PIGB: variants seen among roughly 807,000 people sequenced by gnomAD.
The protein encoded by PIGB is phosphatidylinositol glycan anchor biosynthesis class B, also known as GPI alpha-1,2-mannosyltransferase 3.
PIGB carries 58 observed loss-of-function variants against 68.4 expected under a neutral mutation model. The ratio of observed to expected loss-of-function variants is 0.85; its 90% CI spans 0.69 to 1.06. The LOEUF (loss-of-function observed/expected upper bound fraction) is 1.06. Among genes scored for constraint, PIGB ranks in the 50% least tolerant of loss-of-function variants. The probability of loss-of-function intolerance (pLI) is 0.00; values close to 1 mark genes in which losing one functional copy is unlikely to be tolerated. For missense variants in PIGB, 634 were observed against 655.8 expected (o/e 0.97, Z 0.36); for synonymous variants, 219 against 220.5 (o/e 0.99, Z 0.06).
Position 55,340,708 on chromosome 15 carries a change from G to A in PIGB, c.943G>A (p.Gly315Arg). Reference protein sequence around the residue: ...SHPWHWYFSQGFPVILGTHLP... With the variant: ...SHPWHWYFSQRFPVILGTHLP... The stretch of plus-strand genomic sequence containing the variant: ...TCCATGGCACTGGTACTTCAGTCAA[G>A]GATTTCCAGTTATCTTGGGTACTCA... The change falls in exon 8 of 12, where the codon GGA (glycine) becomes AGA (arginine). Residue 315 changes from glycine (G) to arginine (R), a missense_variant. Transcript: ENST00000164305. 1 of 1,612,214 alleles carries A rather than the reference G, an allele frequency of 6.2e-7. No homozygotes were observed. Among genetic ancestry groups the A allele is most frequent in the Non-Finnish European group, 8.5e-7 (1 of 1,178,938 alleles).
At chr15:55,344,676 T>C (rs921024927) in intron 9 of PIGB, among the ~76,000 whole-genome samples, 7 of 152,208 alleles carry the variant, frequency 4.6e-5, no homozygotes, top group Admixed American at 4.6e-4. Context: ...CTTTAGTGAA[T>C]TGTTCAACAA....
chr15:55,322,785 AAC>A (rs2055196565), intron 3 of PIGB, among the ~76,000 whole-genome samples: 1 of 152,180 alleles, frequency 6.6e-6, no homozygotes, highest in South Asian at 2.1e-4. Flanking sequence ...TTCTTCCATT[AAC>A]AACAGGCAGA....
At chr15:55,337,968 C>A (rs1325900576) in intron 6 of PIGB, among the ~76,000 whole-genome samples, 1 of 152,108 alleles carries the variant, frequency 6.6e-6, no homozygotes, top group Non-Finnish European at 1.5e-5. Context: ...TAAAACTCAT[C>A]TATGTTATCA....
At chr15:55,355,088 C>T in intron 11 of PIGB, 110 bp downstream of exon 11, 1 of 996,760 alleles carries the variant, frequency 1.0e-6, no homozygotes, top group East Asian at 2.6e-5. Flanking sequence ...TTTCAACCCA[C>T]ATTTCATAAT....
Position 55,355,395 on chromosome 15 carries a change from A to C in PIGB, c.1628A>C (p.Lys543Thr). The C allele has an allele frequency of 6.2e-7, 1 of 1,609,584 alleles. No homozygotes were observed. Among genetic ancestry groups the C allele is most frequent in the Non-Finnish European group, 8.5e-7 (1 of 1,177,976 alleles). Reference sequence around the variant, plus strand: ...AGTCACATATATGTCTATGAACGGAAGTTAAAAGGGAAATTCAACATGAAG... The same window carrying C: ...AGTCACATATATGTCTATGAACGGACGTTAAAAGGGAAATTCAACATGAAG... The part of the protein sequence containing the change: ...IGSHIYVYER[K>T]LKGKFNMKMK... The change falls in exon 12 of 12, where the codon AAG becomes ACG. Residue 543 changes from lysine to threonine, a missense_variant. Coordinates refer to ENST00000164305, the MANE Select transcript of PIGB (RefSeq NM_004855.5).
chr15:55,355,417 G>T lies in PIGB; in HGVS notation c.1650G>T (p.Met550Ile). ...GGAAGTTAAAAGGGAAATTCAACATGAAGATGAAATTCTGAACTTTCCTAG... is the reference window on the plus strand; with the variant it reads ...GGAAGTTAAAAGGGAAATTCAACATTAAGATGAAATTCTGAACTTTCCTAG... The part of the protein sequence containing the change: ...YERKLKGKFN[M>I]KMKF The change falls in exon 12 of 12, where the codon ATG becomes ATT. Residue 550 changes from methionine to isoleucine, a missense_variant. Transcript: ENST00000164305. 1 of 1,606,694 alleles carries T rather than the reference G, an allele frequency of 6.2e-7. No individual in the cohort carries two copies. The highest frequency in any genetic ancestry group is 8.5e-7 in the Non-Finnish European group (1 of 1,177,240).
intron 1 of PIGB, chr15:55,319,667 A>G: frequency 2.8e-6 from 1 of 353,124 alleles, no homozygotes; most frequent in Non-Finnish European, 5.2e-6. Context: ...AGGACTTTGG[A>G]GACATCACAC....
chr15:55,343,247 A>G (rs1885932072), intron 9 of PIGB: 1 of 149,440 alleles, frequency 6.7e-6, no homozygotes, highest in African/African-American at 2.6e-5. Context: ...ACGCAGGCAC[A>G]TACAAAAATT....
chr15:55,355,236 T>C, intron 11 of PIGB, 50 bp from the exon 12 acceptor site: 1 of 1,445,366 alleles, frequency 6.9e-7, no homozygotes, highest in Non-Finnish European at 9.6e-7. Context: ...ACTGAAACAG[T>C]ACTCAGCAAA....
chr15:55,329,800 T>C lies in PIGB; in HGVS notation c.599T>C (p.Leu200Pro). The change falls in exon 5 of 12, where the codon CTC (leucine) becomes CCC (proline). Residue 200 changes from leucine (L) to proline (P), a missense_variant. Physicochemically the swap from Leu to Pro is moderately conservative, Grantham distance 98 (BLOSUM62 -3). Transcript: ENST00000164305. ...CTTACAAACACCATGGAAACTGTTC[T>C]CACTATAATTGCTCTTTTCTACTAT... Reference protein sequence around the residue: ...RTLTNTMETVLTIIALFYYPL... With the variant: ...RTLTNTMETVPTIIALFYYPL... The C allele has an allele frequency of 1.2e-6, 2 of 1,606,276 alleles. No individual in the cohort carries two copies. The highest frequency in any genetic ancestry group is 1.7e-6 in the Non-Finnish European group (2 of 1,172,946).
Position 55,334,007 on chromosome 15 carries a change from G to A in PIGB, c.794G>A (p.Gly265Asp). The A allele has an allele frequency of 6.3e-7, 1 of 1,585,590 alleles. No individual in the cohort carries two copies. Among genetic ancestry groups the A allele is most frequent in the Non-Finnish European group, 8.6e-7 (1 of 1,166,002 alleles). Residue 265 changes from glycine (G) to aspartate (D), a missense_variant and splice_region_variant, in exon 6 of 12, where the codon GGC becomes GAC. Gly to Asp is a moderately conservative substitution (Grantham distance 94). Transcript: ENST00000164305. The stretch of plus-strand genomic sequence containing the variant: ...ATTCTACATCATTTTTTACCTGTAG[G>A]GTAAGTGTGGCAATAATCCATCCAT... The part of the protein sequence containing the change: ...DLILHHFLPV[G>D]FVTLSLSLMI...
At chr15:55,320,794 A>AG (rs2055146511) in intron 2 of PIGB, among the ~76,000 whole-genome samples, 1 of 152,184 alleles carries the variant, frequency 6.6e-6, no homozygotes, top group South Asian at 2.1e-4. Flanking sequence ...ACCACAGATA[A>AG]GGGGGGACTA....
Position 55,333,930 on chromosome 15 carries a change from G to A in PIGB, c.717G>A (p.Trp239Ter). ...FIIRPTAVIL[W>*]TPLLFRHFCQ... Reference sequence around the variant, plus strand: ...TTCGTCCCACAGCTGTCATTCTGTGGACACCTTTGCTCTTCAGACATTTCT... The same window carrying A: ...TTCGTCCCACAGCTGTCATTCTGTGAACACCTTTGCTCTTCAGACATTTCT... The change falls in exon 6 of 12, where the codon TGG (tryptophan) becomes TGA (stop). Residue 239 changes from tryptophan to a stop codon, truncating the protein, a stop_gained. Coordinates refer to ENST00000164305, the MANE Select transcript of PIGB (RefSeq NM_004855.5). LOFTEE classifies it high-confidence loss of function. The A allele has an allele frequency of 1.2e-6, 2 of 1,609,742 alleles. No individual in the cohort carries two copies. Among genetic ancestry groups the A allele is most frequent in the Non-Finnish European group, 8.5e-7 (1 of 1,177,996 alleles).
At chr15:55,327,219 A>AAT (rs10563845) in intron 3 of PIGB, among the ~76,000 whole-genome samples, 1 of 146,324 alleles carries the variant, frequency 6.8e-6, no homozygotes, top group Non-Finnish European at 1.5e-5. Flanking sequence ...TTTATATATA[A>AAT]ATATATATAT....
At chr15:55,330,387 G>A (rs2055386480) in intron 5 of PIGB, among the ~76,000 whole-genome samples, 2 of 152,220 alleles carry the variant, frequency 1.3e-5, no homozygotes, top group African/African-American at 2.4e-5. Context: ...ACTGGATAAA[G>A]GCTGGAGGAG....
intron 4 of PIGB, among the ~76,000 whole-genome samples, chr15:55,329,421 G>T (rs1595777045): frequency 1.3e-5 from 2 of 152,092 alleles, no homozygotes; most frequent in African/African-American, 4.8e-5. Context: ...TACCATCAAA[G>T]AATCTGTTTT....
Position 55,345,631 on chromosome 15 carries a change from C to T in PIGB, c.1123+3829C>T, listed in dbSNP as rs2055775801. 2.6e-5 allele frequency among the ~76,000 whole-genome samples: 4 copies of T among 152,250 alleles called. No homozygotes were observed. In the South Asian group the frequency reaches 6.2e-4, roughly 24 times the overall value. On this transcript the variant is annotated intron_variant, in intron 9 of 11. Transcript: ENST00000164305. ...AAAATTAGCTGGGTGTGGTGGCACG[C>T]ACCTGTAATGCCAGCTACTTGGGAG...
At chr15:55,351,101 A>G (rs569757908) in intron 10 of PIGB, among the ~76,000 whole-genome samples, 189 bp downstream of exon 10, 4 of 148,302 alleles carry the variant, frequency 2.7e-5, no homozygotes, top group African/African-American at 1.0e-4. Context: ...TTTTAAATAA[A>G]CTTTTTTTCT....
At chr15:55,331,641 AG>A (rs2055416990) in intron 5 of PIGB, among the ~76,000 whole-genome samples, 2 of 152,028 alleles carry the variant, frequency 1.3e-5, no homozygotes, top group African/African-American at 4.8e-5. Flanking sequence ...TGAACCCAGG[AG>A]GCAGGGGTTG....
Sources: gnomAD v4.1 joint callset for allele counts (sites outside exome capture counted in the v4.1 genomes callset) on GRCh38, gnomAD v4.1.1 for gene constraint, MANE v1.5 for transcripts, NCBI Gene and HGNC (gene_info 2026-07-23, HGNC 2026-07-21) for gene names.